The following PCDHGB7 variants were observed in gnomAD, a reference collection of about 807,000 sequenced individuals.
PCDHGB7 encodes the protein protocadherin gamma subfamily B, 7, also known as protocadherin gamma-B7.
Under a neutral mutation model 61.4 loss-of-function variants are expected in PCDHGB7, and 37 were observed. The ratio of observed to expected loss-of-function variants is 0.60; its 90% CI spans 0.46 to 0.79. The LOEUF (loss-of-function observed/expected upper bound fraction) is 0.79. Ranked by LOEUF, PCDHGB7 falls within the 30% of genes least tolerant of loss-of-function variation. PCDHGB7 has a pLI of 0.00. For synonymous variants in PCDHGB7, 464 were observed against 503.5 expected, an observed-to-expected ratio of 0.92 and a Z score of 1.05; for missense variants, 1,166 against 1,202.5, an observed-to-expected ratio of 0.97 and a Z score of 0.45.
Position 141,491,166 on chromosome 5 carries a change from G to A in PCDHGB7, c.2416-3641G>A. 1 of 1,614,150 alleles carries A rather than the reference G, an allele frequency of 6.2e-7. No individual in the cohort carries two copies. The highest frequency in any genetic ancestry group is 8.5e-7 in the Non-Finnish European group (1 of 1,179,964). ...TACTGGAGGATGACTCTGACACCCA[G>A]CAGGTGGTGGTCCTGGTGAGGGACA... On this transcript the variant is annotated intron_variant, in intron 1 of 3. Transcript: ENST00000398594. The surrounding 1 kb of genome is among the most constrained non-coding windows in gnomAD (Gnocchi z 6.9).
chr5:141,470,748 A>C (rs1163686396), intron 1 of PCDHGB7, among the ~76,000 whole-genome samples: 1 of 152,106 alleles, frequency 6.6e-6, no homozygotes. Flanking sequence ...CCCTGGCTGG[A>C]GTGCAGTGGA....
rs1194909537 is a variant in PCDHGB7 at position 141,511,022 on chromosome 5, T to C, written c.2639T>C (p.Phe880Ser). 1 of 1,614,176 alleles carries C rather than the reference T, an allele frequency of 6.2e-7. No individual in the cohort carries two copies. The highest frequency in any genetic ancestry group is 8.5e-7 in the Non-Finnish European group (1 of 1,180,020). ...MGLSARYGPQ[F>S]TLQHVPDYRQ... ...TTGAGCGCCCGCTACGGACCCCAGT[T>C]CACCCTGCAGCACGTGCCCGACTAC... The change falls in exon 4 of 4, where the codon TTC becomes TCC. Residue 880 changes from phenylalanine (F) to serine (S), a missense_variant. Transcript: ENST00000398594.
intron 1 of PCDHGB7, among the ~76,000 whole-genome samples, chr5:141,445,652 A>C (rs1307606419): frequency 6.6e-6 from 1 of 152,212 alleles, no homozygotes; most frequent in African/African-American, 2.4e-5. Context: ...TGAATAGATT[A>C]ATAGGATGAG....
chr5:141,433,042 G>T (rs752612411), intron 1 of PCDHGB7: 10 of 1,614,024 alleles, frequency 6.2e-6, no homozygotes, highest in East Asian at 4.5e-5. Flanking sequence ...CCCTCACCAC[G>T]GACTCGCGGA....
rs2099883782 is a variant in PCDHGB7 at position 141,511,420 on chromosome 5, G to C, written c.*247G>C. The C allele has an allele frequency of 1.2e-6, 1 of 830,744 alleles. No homozygotes were observed. The allele number at this position is 830,744 out of a possible 1,614,324, so 51.5% of individuals were successfully genotyped here. On this transcript the variant is annotated 3_prime_UTR_variant, in exon 4 of 4. Transcript: ENST00000398594. ...TCCAATCAACTGCTGTACCCATGGG[G>C]GTAGTGGGGTTACTGTAGACACCAA...
chr5:141,423,699 T>C, intron 1 of PCDHGB7: 1 of 1,469,146 alleles, frequency 6.8e-7, no homozygotes, highest in East Asian at 2.5e-5. Context: ...GTTGGTGTCT[T>C]GGCACAAGTC....
At chr5:141,455,411 G>T (rs1292246147) in intron 1 of PCDHGB7, among the ~76,000 whole-genome samples, 1 of 152,096 alleles carries the variant, frequency 6.6e-6, no homozygotes, top group Non-Finnish European at 1.5e-5. Context: ...AGAGACAGAG[G>T]GAGCGGGGCT....
At chr5:141,472,109 A>G (rs1353132107) in intron 1 of PCDHGB7, among the ~76,000 whole-genome samples, 2 of 152,234 alleles carry the variant, frequency 1.3e-5, no homozygotes, top group Non-Finnish European at 2.9e-5. Flanking sequence ...TTTTATACAT[A>G]AAGAAAATAA....
At chr5:141,460,983 G>GTGTA (rs1554142949) in intron 1 of PCDHGB7, among the ~76,000 whole-genome samples, 1,579 of 137,794 alleles carry the variant, frequency 0.011, 39 homozygotes, top group African/African-American at 0.038. Context: ...GTGTGTGTGT[G>GTGTA]TATATATATA....
intron 1 of PCDHGB7, among the ~76,000 whole-genome samples, chr5:141,449,616 G>A (rs1279953840): frequency 1.6e-4 from 24 of 146,738 alleles, no homozygotes; most frequent in Non-Finnish European, 2.3e-4. Flanking sequence ...AAGTAAAAAA[G>A]TTTTTTAAAA....
At chr5:141,456,702 C>T (rs1185842343) in intron 1 of PCDHGB7, among the ~76,000 whole-genome samples, 1 of 152,062 alleles carries the variant, frequency 6.6e-6, no homozygotes, top group Non-Finnish European at 1.5e-5. Flanking sequence ...TGGTGGCTCG[C>T]GCCTGTAATC....
At chr5:141,427,529 G>A (rs1464520351) in intron 1 of PCDHGB7, 1 of 619,898 alleles carries the variant, frequency 1.6e-6, no homozygotes, top group African/African-American at 1.8e-5. Context: ...GGATCCCGGA[G>A]TACAACGTCA....
In PCDHGB7 at chr5:141,477,794, C is replaced by A. The variant is rs148942362; in HGVS notation, c.2416-17013C>A. On this transcript the variant is annotated intron_variant, in intron 1 of 3. Coordinates refer to ENST00000398594, the MANE Select transcript of PCDHGB7 (RefSeq NM_018927.4). This position sits in a 1 kb window ranked among gnomAD's most constrained non-coding sequence, Gnocchi z 4.9. ...CAGCGTGAACATATTTGTCACTGAT[C>A]GCAATGACAATGCCCCCCAGGTCCT... The A allele has an allele frequency of 5.6e-6, 9 of 1,614,086 alleles. No individual in the cohort carries two copies. Among genetic ancestry groups the A allele is most frequent in the Non-Finnish European group, 7.6e-6 (9 of 1,180,030 alleles).
At position 141,477,067 on chromosome 5, in the gene PCDHGB7, C is replaced by G. The variant is rs370882752; in HGVS notation, c.2416-17740C>G. 5.6e-5 allele frequency: 91 copies of G among 1,614,116 alleles called. No individual in the cohort carries two copies. Among genetic ancestry groups the G allele is most frequent in the Non-Finnish European group, 7.7e-5 (91 of 1,180,042 alleles). ...GGCTGGACTTCGAGGACACCAAACT[C>G]CATGAGATTTACATCCAGGCCAAAG... On this transcript the variant is annotated intron_variant, in intron 1 of 3. Transcript: ENST00000398594. This position sits in a 1 kb window ranked among gnomAD's most constrained non-coding sequence, Gnocchi z 4.9.
Position 141,489,857 on chromosome 5 carries a change from C to T in PCDHGB7, c.2416-4950C>T. 2 of 1,614,166 alleles carry T rather than the reference C, an allele frequency of 1.2e-6. No individual in the cohort carries two copies. On this transcript the variant is annotated intron_variant, in intron 1 of 3. Coordinates refer to ENST00000398594, the MANE Select transcript of PCDHGB7 (RefSeq NM_018927.4). This position sits in a 1 kb window ranked among gnomAD's most constrained non-coding sequence, Gnocchi z 4.5. ...CAGCAGCTGGATCGTGAAGCCCAGGCAAGACATCAGCTGGTGCTTACTGCT... is the reference window on the plus strand; with the variant it reads ...CAGCAGCTGGATCGTGAAGCCCAGGTAAGACATCAGCTGGTGCTTACTGCT...
At chr5:141,496,402 G>T (rs551923899) in intron 2 of PCDHGB7, among the ~76,000 whole-genome samples, 183 of 152,248 alleles carry the variant, frequency 1.2e-3, no homozygotes, top group African/African-American at 4.0e-3. Flanking sequence ...CCTCCTCAAT[G>T]GTTGAGTACT....
intron 1 of PCDHGB7, chr5:141,468,629 G>A (rs1170355107): frequency 1.3e-5 from 2 of 152,140 alleles, no homozygotes; most frequent in African/African-American, 4.8e-5. Flanking sequence ...CACTTTGGGA[G>A]GCCGAGGTGG....
chr5:141,481,085 A>T (rs1200522212), intron 1 of PCDHGB7, among the ~76,000 whole-genome samples: 1 of 152,192 alleles, frequency 6.6e-6, no homozygotes, highest in African/African-American at 2.4e-5. Flanking sequence ...AAGAAAAAAG[A>T]AAAGCAGTAC....
intron 2 of PCDHGB7, among the ~76,000 whole-genome samples, chr5:141,502,152 C>T (rs1306227782): frequency 2.0e-5 from 3 of 152,128 alleles, no homozygotes; most frequent in African/African-American, 4.8e-5. Flanking sequence ...AAGTAAGGAC[C>T]CCAGATATTC....
Sources: allele counts gnomAD v4.1 joint callset (sites outside exome capture counted in the v4.1 genomes callset), GRCh38; gene constraint gnomAD v4.1.1; non-coding constraint Gnocchi (gnomAD v3.1); transcripts MANE v1.5; gene names NCBI Gene and HGNC (gene_info 2026-07-23, HGNC 2026-07-21).